FAM200C: variants seen among roughly 807,000 people sequenced by gnomAD.
chr5:160,393,467 G>A, the FAM200C span: 5 of 522,888 alleles, frequency 9.6e-6, no homozygotes, highest in Non-Finnish European at 1.7e-5. Flanking sequence ...CACACGAACA[G>A]GTTAAACAGA....
chr5:160,393,673 G>T, the FAM200C span: 2 of 1,369,024 alleles, frequency 1.5e-6, no homozygotes, highest in Non-Finnish European at 1.0e-6. Flanking sequence ...ATGATATTAA[G>T]ATTGAAATTA....
At chr5:160,393,329 G>A in the FAM200C span, 47 of 183,254 alleles carry the variant, frequency 2.6e-4, no homozygotes, top group East Asian at 1.1e-3. Flanking sequence ...TAACAAAGAC[G>A]GGCGAACTCA....
chr5:160,397,127 T>C, the FAM200C span, among the ~76,000 whole-genome samples: 241 of 152,338 alleles, frequency 1.6e-3, no homozygotes, highest in Non-Finnish European at 2.0e-3. Context: ...TTAGAACTAA[T>C]ACATATCTTC....
At chr5:160,398,173 C>T in the FAM200C span, among the ~76,000 whole-genome samples, 8 of 152,052 alleles carry the variant, frequency 5.3e-5, no homozygotes, top group African/African-American at 1.9e-4. Context: ...ACCCAGGGGG[C>T]AGAGGTTGCT....
the FAM200C span, chr5:160,393,802 A>G: frequency 6.3e-7 from 1 of 1,598,434 alleles, no homozygotes; most frequent in African/African-American, 1.3e-5. Context: ...CATCACTCAG[A>G]TTAAAGCAGC....
chr5:160,398,277 C>G, the FAM200C span, among the ~76,000 whole-genome samples: 7 of 152,172 alleles, frequency 4.6e-5, no homozygotes, highest in East Asian at 5.8e-4. Flanking sequence ...AGGCTGGGTA[C>G]GGTGGCTCAT....
chr5:160,393,167 A>G, the FAM200C span: 4 of 152,374 alleles, frequency 2.6e-5, no homozygotes, highest in African/African-American at 9.7e-5. Flanking sequence ...TAGGCTATTT[A>G]TTAATATGAT....
the FAM200C span, chr5:160,395,307 C>T: frequency 2.5e-6 from 4 of 1,614,188 alleles, no homozygotes; most frequent in Non-Finnish European, 3.4e-6. Flanking sequence ...CTATTGAGAT[C>T]ATGCCCAGCT....
chr5:160,393,716 T>C, the FAM200C span: 1 of 1,548,682 alleles, frequency 6.5e-7, no homozygotes, highest in South Asian at 1.2e-5. Context: ...TTACAGTGAC[T>C]TCTGCTGTAG....
chr5:160,393,765 C>CT, the FAM200C span: 1 of 1,561,144 alleles, frequency 6.4e-7, no homozygotes, highest in Non-Finnish European at 8.7e-7. Flanking sequence ...AAACGAGGAA[C>CT]TTTTTTTGAA....
At chr5:160,394,377 T>A in the FAM200C span, 1 of 1,613,662 alleles carries the variant, frequency 6.2e-7, no homozygotes, top group Non-Finnish European at 8.5e-7. Flanking sequence ...GCTAGGTGAA[T>A]TTTAAACTCT....
At chr5:160,399,332 A>AAT in the FAM200C span, among the ~76,000 whole-genome samples, 785 of 152,196 alleles carry the variant, frequency 5.2e-3, 6 homozygotes, top group African/African-American at 0.018. Flanking sequence ...AGGGAATGCT[A>AAT]ATATATATAT....
chr5:160,396,476 C>A, the FAM200C span, among the ~76,000 whole-genome samples: 3 of 151,972 alleles, frequency 2.0e-5, no homozygotes, highest in Non-Finnish European at 1.5e-5. Context: ...AATGGTCGGG[C>A]GTGGTAGCTC....
At chr5:160,394,019 A>C in the FAM200C span, 54 of 1,612,794 alleles carry the variant, frequency 3.3e-5, no homozygotes, top group Non-Finnish European at 4.4e-5. Context: ...ATCATTTTTC[A>C]TTAAATAACT....
chr5:160,393,875 G>C, the FAM200C span: 3 of 1,614,090 alleles, frequency 1.9e-6, no homozygotes, highest in Non-Finnish European at 1.7e-6. Context: ...GTATGTAGTT[G>C]CAAATGGCAT....
At chr5:160,399,257 G>A in the FAM200C span, among the ~76,000 whole-genome samples, 2,561 of 152,270 alleles carry the variant, frequency 0.017, 72 homozygotes, top group African/African-American at 0.059. Flanking sequence ...ATGAAGGGTA[G>A]ATATGAAAAA....
At chr5:160,398,153 A>G in the FAM200C span, among the ~76,000 whole-genome samples, 1 of 152,162 alleles carries the variant, frequency 6.6e-6, no homozygotes, top group Non-Finnish European at 1.5e-5. Context: ...GAGGCAGGAG[A>G]ATCGCTTGAA....
the FAM200C span, chr5:160,394,158 C>T: frequency 5.6e-6 from 9 of 1,612,484 alleles, no homozygotes; most frequent in Non-Finnish European, 6.8e-6. Context: ...GTTATTTCAG[C>T]TGCAATGAAT....
chr5:160,397,964 C>T, the FAM200C span, among the ~76,000 whole-genome samples: 5 of 152,334 alleles, frequency 3.3e-5, no homozygotes, highest in African/African-American at 1.2e-4. Flanking sequence ...AAGAGGGGCC[C>T]TGCACGGTGG....
Sources: gnomAD v4.1 joint callset for allele counts (sites outside exome capture counted in the v4.1 genomes callset) on GRCh38, gnomAD v4.1.1 for gene constraint, MANE v1.5 for transcripts.